The following KIFC3 variants were observed in gnomAD, a reference collection of about 807,000 sequenced individuals.
KIFC3 encodes kinesin-like protein KIFC3.
A neutral mutation model predicts 101.8 loss-of-function variants in KIFC3; 60 were observed. The ratio of observed to expected loss-of-function variants is 0.59; its 90% CI spans 0.48 to 0.73. The LOEUF (loss-of-function observed/expected upper bound fraction) is 0.73, where lower values mean the gene tolerates loss of function less well. KIFC3 is among the 30% of genes least tolerant of loss of function. KIFC3 has a pLI of 0.00. For synonymous variants in KIFC3, 476 were observed against 482.7 expected, an observed-to-expected ratio of 0.99 and a Z score of 0.18; for missense variants, 966 against 1,137.1, an observed-to-expected ratio of 0.85 and a Z score of 2.16.
At chr16:57,761,719 C>G (rs2049880296) in intron 13 of KIFC3, among the ~76,000 whole-genome samples, 183 bp from the exon 14 acceptor site, 1 of 151,028 alleles carries the variant, frequency 6.6e-6, no homozygotes, top group African/African-American at 2.4e-5. Context: ...AGATCTCACT[C>G]CACAATACAA....
At chr16:57,765,947 ACT>A (rs1567951484) in intron 10 of KIFC3, 1 of 291,746 alleles carries the variant, frequency 3.4e-6, no homozygotes, top group East Asian at 6.3e-5. Flanking sequence ...CAGAACGGAC[ACT>A]CTTTTTCTCC....
At chr16:57,794,090 T>A (rs1293044630) in intron 3 of KIFC3, among the ~76,000 whole-genome samples, 1 of 152,226 alleles carries the variant, frequency 6.6e-6, no homozygotes, top group African/African-American at 2.4e-5. Flanking sequence ...GAGATTGTTA[T>A]GAGTATGATG....
In KIFC3 at chr16:57,762,277, A is replaced by G; in HGVS notation, c.1618-7T>C. On this transcript the variant is annotated splice_region_variant and splice_polypyrimidine_tract_variant and intron_variant, in intron 12 of 19. Coordinates refer to ENST00000445690, the MANE Select transcript of KIFC3 (RefSeq NM_001130100.2). ...CTGGGTTCTCAGCGGTCCCCTGGGG[A>G]CAGAAGGAAAGGCCCCAGTAAGCCA... The G allele has an allele frequency of 6.5e-7, 1 of 1,539,340 alleles. No homozygotes were observed. Among genetic ancestry groups the G allele is most frequent in the Non-Finnish European group, 8.8e-7 (1 of 1,139,542 alleles).
Position 57,769,141 on chromosome 16 carries a change from C to T in KIFC3, c.1218+454G>A, listed in dbSNP as rs1400014820. ...CTCCGCCTTCTGGGTTCAAGTGATT[C>T]TCCTGCCTCAGCCTCCCGAGTAGCT... On this transcript the variant is annotated intron_variant, in intron 9 of 19. Transcript: ENST00000445690. This position sits in a 1 kb window ranked among gnomAD's most constrained non-coding sequence, Gnocchi z 4.3. Among the ~76,000 whole-genome samples, 2 of 152,206 alleles carry T rather than the reference C, an allele frequency of 1.3e-5. No homozygotes were observed. Among genetic ancestry groups the T allele is most frequent in the African/African-American group, 4.8e-5 (2 of 41,442 alleles).
chr16:57,846,572 T>A (rs1168053480), intron 1 of KIFC3: 2 of 152,194 alleles, frequency 1.3e-5, no homozygotes, highest in African/African-American at 4.8e-5. Flanking sequence ...TGTCAAACCC[T>A]TTAAGGAAGC....
At chr16:57,791,791 G>C (rs142710495) in intron 3 of KIFC3, among the ~76,000 whole-genome samples, 1 of 152,296 alleles carries the variant, frequency 6.6e-6, no homozygotes, top group African/African-American at 2.4e-5. Context: ...ACTACAGATG[G>C]CTCAAGACAG....
chr16:57,781,963 CAGCCGATCAGA>C (rs2052787595), intron 3 of KIFC3: 2 of 985,462 alleles, frequency 2.0e-6, no homozygotes, highest in East Asian at 1.1e-4. Flanking sequence ...TGTGAGAAAG[CAGCCGATCAGA>C]AGCCAGTGGT....
intron 1 of KIFC3, among the ~76,000 whole-genome samples, chr16:57,857,588 T>A (rs1298610909): frequency 1.3e-5 from 2 of 151,720 alleles, no homozygotes; most frequent in African/African-American, 4.8e-5. Flanking sequence ...GACGTTCCCC[T>A]CCCTGTGTCT....
At chr16:57,802,537 T>G (rs1483028458), upstream of KIFC3, 3 of 986,254 alleles carry the variant, frequency 3.0e-6, no homozygotes, top group African/African-American at 5.3e-5. This position sits in a 1 kb window ranked among gnomAD's most constrained non-coding sequence, Gnocchi z 5.0. Flanking sequence ...CCGCGGCGCG[T>G]TCCCATGGCA....
At chr16:57,854,044 C>A (rs2056113103) in intron 1 of KIFC3, among the ~76,000 whole-genome samples, 2 of 152,112 alleles carry the variant, frequency 1.3e-5, no homozygotes, top group African/African-American at 4.8e-5. Context: ...CAGGCTCCAG[C>A]AATTCTGCCA....
At chr16:57,781,472 G>A (rs558314944) in intron 3 of KIFC3, among the ~76,000 whole-genome samples, 42 of 152,304 alleles carry the variant, frequency 2.8e-4, no homozygotes, top group African/African-American at 9.1e-4. Flanking sequence ...ACACTGGGGA[G>A]GGTCATCCCA....
intron 1 of KIFC3, among the ~76,000 whole-genome samples, chr16:57,799,392 G>A (rs1275922171): frequency 6.6e-6 from 1 of 152,048 alleles, no homozygotes; most frequent in South Asian, 2.1e-4. Flanking sequence ...CTGGGCTGTC[G>A]ACTACTCTCC....
upstream of KIFC3, among the ~76,000 whole-genome samples, chr16:57,806,917 G>A (rs556665903): frequency 7.9e-4 from 121 of 152,272 alleles, no homozygotes; most frequent in African/African-American, 2.7e-3. Context: ...CATGAGCACC[G>A]CAGAAAGAAC....
upstream of KIFC3, among the ~76,000 whole-genome samples, chr16:57,807,016 G>A (rs148242548): frequency 7.6e-3 from 1,159 of 152,210 alleles, 13 homozygotes; most frequent in African/African-American, 0.026. Flanking sequence ...TCAGCAGTTC[G>A]AGACCAGCCT....
At chr16:57,852,389 C>T (rs1755016489) in intron 1 of KIFC3, among the ~76,000 whole-genome samples, 1 of 152,148 alleles carries the variant, frequency 6.6e-6, no homozygotes, top group Non-Finnish European at 1.5e-5. Context: ...TCAGCTGTAA[C>T]CCTGGCTGCC....
At chr16:57,779,848 G>C (rs1304686271) in intron 3 of KIFC3, 1 of 152,142 alleles carries the variant, frequency 6.6e-6, no homozygotes, top group African/African-American at 2.4e-5. Flanking sequence ...TAAATAGATA[G>C]ATAAATAAAA....
intron 4 of KIFC3, 109 bp from the exon 5 acceptor site, chr16:57,771,795 G>A: frequency 1.5e-6 from 2 of 1,301,792 alleles, no homozygotes; most frequent in Non-Finnish European, 2.1e-6. Context: ...GAGAGGTGTG[G>A]AGAAAGGCAG....
intron 1 of KIFC3, chr16:57,816,832 C>T (rs2055237810): frequency 2.2e-6 from 1 of 445,832 alleles, no homozygotes; most frequent in East Asian, 7.0e-5. Context: ...CCCAGTAAGA[C>T]TTGAGGCCAG....
At chr16:57,798,050 C>T in intron 2 of KIFC3, 22 bp downstream of exon 2, 1 of 1,583,330 alleles carries the variant, frequency 6.3e-7, no homozygotes, top group South Asian at 1.2e-5. Flanking sequence ...AATAAAGAGG[C>T]ATTTTAAAAA....
Sources: allele counts gnomAD v4.1 joint callset (sites outside exome capture counted in the v4.1 genomes callset), GRCh38; gene constraint gnomAD v4.1.1; non-coding constraint Gnocchi (gnomAD v3.1); transcripts MANE v1.5; gene names NCBI Gene and HGNC (gene_info 2026-07-23, HGNC 2026-07-21).